NFIB: variants seen among roughly 807,000 people sequenced by gnomAD.
NFIB encodes nuclear factor 1 B-type.
Under a neutral mutation model 61.5 loss-of-function variants are expected in NFIB, and 11 were observed. That is an observed-to-expected ratio of 0.18 (90% CI 0.11 to 0.30). The LOEUF (loss-of-function observed/expected upper bound fraction) is 0.30, where lower values mean the gene tolerates loss of function less well. Among genes scored for constraint, NFIB ranks in the 10% least tolerant of loss-of-function variants. The pLI, the probability that NFIB is intolerant of heterozygous loss-of-function variation, is 1.00. For missense variants in NFIB, 471 were observed against 608.9 expected, an observed-to-expected ratio of 0.77 and a Z score of 2.38; for synonymous variants, 260 against 216.5, an observed-to-expected ratio of 1.20 and a Z score of -1.76.
chr9:14,408,055 T>C, the NFIB span, among the ~76,000 whole-genome samples: 1 of 152,190 alleles, frequency 6.6e-6, no homozygotes, highest in Non-Finnish European at 1.5e-5. Context: ...ATTTGTATTC[T>C]AAATGAAAAG....
At chr9:14,398,664 G>A (rs2061712299) in exon 1 of NFIB, 1 of 1,445,746 alleles carries the variant, frequency 6.9e-7, no homozygotes, top group Admixed American at 2.2e-5. Flanking sequence ...GAAGCCTGTA[G>A]GCTCTGCTTC....
chr9:14,427,937 G>GTTTTTTTTTTTTGTTTTTTTT, the NFIB span, among the ~76,000 whole-genome samples: 4 of 43,382 alleles, frequency 9.2e-5, no homozygotes, highest in African/African-American at 1.6e-4. Context: ...TAATTCAGTT[G>GTTTTTTTTTTTTGTTTTTTTT]TTTTTTTTTT....
chr9:14,424,932 T>A, the NFIB span, among the ~76,000 whole-genome samples: 1 of 152,092 alleles, frequency 6.6e-6, no homozygotes, highest in African/African-American at 2.4e-5. Context: ...AGGATAATCG[T>A]GGCAAGAAAG....
intron 1 of NFIB, among the ~76,000 whole-genome samples, chr9:14,380,089 A>T (rs1315293482): frequency 6.6e-6 from 1 of 152,188 alleles, no homozygotes; most frequent in East Asian, 1.9e-4. Context: ...CAAATAATAT[A>T]CAATTTTCTA....
At chr9:14,116,474 C>T (rs779905850) in intron 8 of NFIB, 128 bp from the exon 9 acceptor site, 43 of 981,932 alleles carry the variant, frequency 4.4e-5, no homozygotes, top group African/African-American at 1.7e-5. Context: ...CAGGCCCTCT[C>T]GAGTCGGAGT....
At chr9:14,428,278 G>A in the NFIB span, among the ~76,000 whole-genome samples, 1 of 152,230 alleles carries the variant, frequency 6.6e-6, no homozygotes, top group East Asian at 1.9e-4. Flanking sequence ...ATCTTGTTAA[G>A]ACTGGACCAA....
At chr9:14,502,058 A>C in the NFIB span, among the ~76,000 whole-genome samples, 3 of 152,206 alleles carry the variant, frequency 2.0e-5, no homozygotes, top group African/African-American at 7.2e-5. Context: ...ATTAGTCTCT[A>C]ATCTCTTACC....
chr9:14,406,755 C>G, the NFIB span, among the ~76,000 whole-genome samples: 1 of 152,168 alleles, frequency 6.6e-6, no homozygotes, highest in African/African-American at 2.4e-5. Context: ...TGGACTGTGT[C>G]TCCACTTGCT....
chr9:14,098,734 G>T (rs959205511), intron 10 of NFIB, among the ~76,000 whole-genome samples: 5 of 152,198 alleles, frequency 3.3e-5, no homozygotes, highest in African/African-American at 7.2e-5. Context: ...TGGGTTAACT[G>T]CAGTTCCTGA....
chr9:14,214,911 A>G (rs947458431), intron 2 of NFIB, among the ~76,000 whole-genome samples: 1 of 152,272 alleles, frequency 6.6e-6, no homozygotes, highest in African/African-American at 2.4e-5. Context: ...TTCATAAAGT[A>G]CGTGTATACA....
At position 14,207,458 on chromosome 9, in the gene NFIB, G is replaced by A. The variant is rs562681042; in HGVS notation, c.563-27678C>T. ...TGGTTTGGTAATGTGTACAAACTGG[G>A]AGGAGGATGAGACCAGAAAACCCCT... On this transcript the variant is annotated intron_variant, in intron 2 of 10. Coordinates refer to ENST00000380953, the MANE Select transcript of NFIB (RefSeq NM_001190737.2). 3.8e-4 allele frequency among the ~76,000 whole-genome samples: 58 copies of A among 152,318 alleles called. 1 individual carries two copies. Among genetic ancestry groups the A allele is most frequent in the Admixed American group, 2.7e-3 (42 of 15,308 alleles).
chr9:14,089,104 A>C (rs2033393900), intron 10 of NFIB, among the ~76,000 whole-genome samples: 1 of 151,928 alleles, frequency 6.6e-6, no homozygotes, highest in African/African-American at 2.4e-5. Flanking sequence ...TCTTATTCTA[A>C]CCCTCTTTAA....
At chr9:14,109,617 T>C (rs2037054706) in intron 10 of NFIB, among the ~76,000 whole-genome samples, 1 of 152,064 alleles carries the variant, frequency 6.6e-6, no homozygotes, top group Admixed American at 6.5e-5. Flanking sequence ...ATGCAATAAC[T>C]AAACCAATAA....
rs1473758770 is a variant in NFIB, at chr9:14,084,779, G to C, written c.*3530C>G. 6 of 229,140 alleles carry C rather than the reference G, an allele frequency of 2.6e-5. No homozygotes were observed. In the East Asian group the frequency reaches 3.7e-4, roughly 14 times the overall value. The allele number at this position is 229,140 out of a possible 1,614,324, so 14.2% of individuals were successfully genotyped here. ...GAATATACTTCCTGGTACACGAGGAGGAGGCCGAAAAGTTGATTTGAGATT... is the reference window on the plus strand; with the variant it reads ...GAATATACTTCCTGGTACACGAGGACGAGGCCGAAAAGTTGATTTGAGATT... On this transcript the variant is annotated 3_prime_UTR_variant, in exon 11 of 11. Coordinates refer to ENST00000380953, the MANE Select transcript of NFIB (RefSeq NM_001190737.2).
At chr9:14,462,882 G>T in the NFIB span, among the ~76,000 whole-genome samples, 1 of 152,252 alleles carries the variant, frequency 6.6e-6, no homozygotes, top group East Asian at 1.9e-4. Context: ...ATGTTTTAAA[G>T]TTATGCAACA....
intron 5 of NFIB, among the ~76,000 whole-genome samples, chr9:14,148,151 C>G (rs576814395): frequency 2.0e-5 from 3 of 152,074 alleles, no homozygotes; most frequent in African/African-American, 7.2e-5. Flanking sequence ...GAGACAGGGT[C>G]TCACTCTGTT....
intron 1 of NFIB, among the ~76,000 whole-genome samples, chr9:14,353,080 G>T (rs1044395232): frequency 6.6e-6 from 1 of 152,096 alleles, no homozygotes; most frequent in Non-Finnish European, 1.5e-5. Flanking sequence ...ATCCTGCTTG[G>T]GGTGCACCAT....
chr9:14,206,753 C>T (rs1263562485), intron 2 of NFIB, among the ~76,000 whole-genome samples: 1 of 141,410 alleles, frequency 7.1e-6, no homozygotes, highest in Non-Finnish European at 1.5e-5. Context: ...TTGCCTGTGT[C>T]TTAGTTTCAG....
chr9:14,134,611 G>C (rs906656069), intron 6 of NFIB, among the ~76,000 whole-genome samples: 1 of 152,224 alleles, frequency 6.6e-6, no homozygotes, highest in Middle Eastern at 3.4e-3. Flanking sequence ...AAAGTGGAAG[G>C]CTGGATGGGG....
Sources: allele counts gnomAD v4.1 joint callset (sites outside exome capture counted in the v4.1 genomes callset), GRCh38; gene constraint gnomAD v4.1.1; transcripts MANE v1.5; gene names NCBI Gene and HGNC (gene_info 2026-07-23, HGNC 2026-07-21).